TENM2: variants seen among roughly 807,000 people sequenced by gnomAD.
TENM2 encodes the protein teneurin transmembrane protein 2, also known as teneurin-2.
In TENM2, 52 loss-of-function variants were observed where a neutral mutation model predicts 245.2. The ratio of observed to expected loss-of-function variants is 0.21; its 90% CI spans 0.17 to 0.27. The LOEUF is 0.27. Ranked by LOEUF, TENM2 falls within the 10% of genes least tolerant of loss-of-function variation. The pLI is 1.00. For synonymous variants in TENM2, 1,363 were observed against 1,438.9 expected (o/e 0.95, Z 1.19); for missense variants, 3,046 against 3,666.8 (o/e 0.83, Z 4.37).
the TENM2 span, among the ~76,000 whole-genome samples, chr5:167,098,197 CAT>C: frequency 7.9e-5 from 12 of 152,284 alleles, no homozygotes; most frequent in African/African-American, 2.4e-4. Context: ...TGATAAATAA[CAT>C]GTGTGTATAG....
At chr5:167,468,445 C>T (rs1354619299) in intron 2 of TENM2, among the ~76,000 whole-genome samples, 1 of 152,118 alleles carries the variant, frequency 6.6e-6, no homozygotes, top group Non-Finnish European at 1.5e-5. Context: ...TTCAGGTGTT[C>T]AGAAACTGTC....
At chr5:167,630,551 A>G (rs928002829) in intron 2 of TENM2, among the ~76,000 whole-genome samples, 8 of 152,194 alleles carry the variant, frequency 5.3e-5, no homozygotes, top group African/African-American at 1.9e-4. Context: ...CACGAAGTGA[A>G]ATTGCCGCAA....
intron 2 of TENM2, among the ~76,000 whole-genome samples, chr5:167,472,122 A>T (rs1767065169): frequency 6.6e-6 from 1 of 152,022 alleles, no homozygotes. Context: ...CAGAACAGAC[A>T]CTTCCTGCAA....
At chr5:167,101,869 A>ATATATATATATATG in the TENM2 span, among the ~76,000 whole-genome samples, 4 of 125,774 alleles carry the variant, frequency 3.2e-5, no homozygotes, top group East Asian at 6.8e-4. Context: ...ATATATATAT[A>ATATATATATATATG]TATATATGCA....
At chr5:167,953,556 C>G (rs1401081072) in intron 4 of TENM2, 1 of 152,540 alleles carries the variant, frequency 6.6e-6, no homozygotes, top group Admixed American at 6.5e-5. Flanking sequence ...TGGAATGTCA[C>G]TGACAGTGAA....
chr5:168,057,150 G>A (rs1430429229), intron 6 of TENM2, among the ~76,000 whole-genome samples: 1 of 152,058 alleles, frequency 6.6e-6, no homozygotes, highest in African/African-American at 2.4e-5. Context: ...CACACCTGAA[G>A]AACTTAATTT....
At chr5:167,297,162 A>G (rs1405097041) in intron 1 of TENM2, among the ~76,000 whole-genome samples, 2 of 152,206 alleles carry the variant, frequency 1.3e-5, no homozygotes, top group African/African-American at 4.8e-5. Flanking sequence ...AGCTTATAGG[A>G]CCTCATACTT....
chr5:167,731,002 G>A (rs1411847938), intron 2 of TENM2, among the ~76,000 whole-genome samples: 6 of 152,102 alleles, frequency 3.9e-5, no homozygotes, highest in Non-Finnish European at 8.8e-5. Flanking sequence ...GATGCACCTA[G>A]TTTTACTCTG....
chr5:167,096,618 C>T, the TENM2 span, among the ~76,000 whole-genome samples: 2 of 152,142 alleles, frequency 1.3e-5, no homozygotes, highest in African/African-American at 4.8e-5. Flanking sequence ...TCATAAAGCC[C>T]GACGCTTATA....
the TENM2 span, among the ~76,000 whole-genome samples, chr5:167,241,849 T>C: frequency 6.6e-6 from 1 of 152,122 alleles, no homozygotes; most frequent in African/African-American, 2.4e-5. Flanking sequence ...CTCTGAAGTG[T>C]AATAGAGTAA....
At chr5:167,994,154 G>A (rs1783876808) in intron 5 of TENM2, among the ~76,000 whole-genome samples, 1 of 152,248 alleles carries the variant, frequency 6.6e-6, no homozygotes, top group African/African-American at 2.4e-5. Flanking sequence ...CTTGATGCTT[G>A]TGGCTTGGTT....
At chr5:167,642,216 A>G (rs1383762718) in intron 2 of TENM2, among the ~76,000 whole-genome samples, 1 of 151,462 alleles carries the variant, frequency 6.6e-6, no homozygotes, top group Non-Finnish European at 1.5e-5. Flanking sequence ...ATCCTCCTTT[A>G]GGTAAAAAGC....
At chr5:167,932,523 T>C (rs1373701630) in intron 3 of TENM2, among the ~76,000 whole-genome samples, 1 of 152,132 alleles carries the variant, frequency 6.6e-6, no homozygotes, top group Non-Finnish European at 1.5e-5. Flanking sequence ...TATGCCTGTT[T>C]GTTTCATCTT....
chr5:168,188,524 C>T (rs1760674458), intron 13 of TENM2, among the ~76,000 whole-genome samples: 1 of 152,202 alleles, frequency 6.6e-6, no homozygotes, highest in African/African-American at 2.4e-5. Context: ...GAATGGGAAA[C>T]AGTCATTTTA....
chr5:167,573,062 G>T (rs568565643), intron 2 of TENM2, among the ~76,000 whole-genome samples: 1 of 124,842 alleles, frequency 8.0e-6, no homozygotes, highest in Admixed American at 9.1e-5. Context: ...TAATATTTTG[G>T]TGTGGGCTCT....
At chr5:167,246,895 G>T in the TENM2 span, among the ~76,000 whole-genome samples, 1 of 151,988 alleles carries the variant, frequency 6.6e-6, no homozygotes, top group Middle Eastern at 3.4e-3. Context: ...ATCGCGTTGG[G>T]ATCATCCACT....
At chr5:167,541,235 T>C (rs1772192472) in intron 2 of TENM2, among the ~76,000 whole-genome samples, 1 of 152,166 alleles carries the variant, frequency 6.6e-6, no homozygotes, top group Admixed American at 6.6e-5. Context: ...AATGATGTTG[T>C]TCTTATTTTT....
intron 3 of TENM2, among the ~76,000 whole-genome samples, chr5:167,895,083 A>G (rs978440588): frequency 2.6e-5 from 4 of 152,074 alleles, no homozygotes; most frequent in Admixed American, 2.6e-4. Flanking sequence ...CTTAAGAAAA[A>G]CAGAGTCGTA....
chr5:167,800,819 A>C (rs1179498409), intron 2 of TENM2, among the ~76,000 whole-genome samples: 3 of 151,992 alleles, frequency 2.0e-5, no homozygotes, highest in Non-Finnish European at 4.4e-5. Flanking sequence ...ATTATCCCAG[A>C]ACCTTTCTTG....
Sources: allele counts gnomAD v4.1 joint callset (sites outside exome capture counted in the v4.1 genomes callset), GRCh38; gene constraint gnomAD v4.1.1; transcripts MANE v1.5; gene names NCBI Gene and HGNC (gene_info 2026-07-23, HGNC 2026-07-21).